TAF4: variants seen among roughly 807,000 people sequenced by gnomAD.
The protein encoded by TAF4 is TATA-box binding protein associated factor 4, also known as transcription initiation factor TFIID subunit 4.
Under a neutral mutation model 90.3 loss-of-function variants are expected in TAF4, and 9 were observed. The observed-to-expected ratio is 0.10, with a 90% CI of 0.06 to 0.17. TAF4 has a LOEUF of 0.17. Among genes scored for constraint, TAF4 ranks in the 10% least tolerant of loss-of-function variants. The pLI is 1.00. For missense variants in TAF4, 1,351 were observed against 1,370.7 expected, an observed-to-expected ratio of 0.99 and a Z score of 0.23; for synonymous variants, 818 against 638.9, an observed-to-expected ratio of 1.28 and a Z score of -4.23.
intron 14 of TAF4, among the ~76,000 whole-genome samples, chr20:61,984,740 G>C (rs1469504269): frequency 1.3e-5 from 2 of 150,222 alleles, no homozygotes; most frequent in Non-Finnish European, 3.0e-5. Context: ...CGGGAACTCT[G>C]TCAGCTGCAG....
intron 1 of TAF4, among the ~76,000 whole-genome samples, chr20:62,024,739 G>A (rs2055865102): frequency 6.6e-6 from 1 of 152,126 alleles, no homozygotes; most frequent in Non-Finnish European, 1.5e-5. Context: ...GCGTGGTGGT[G>A]CACACCTCTA....
At chr20:61,982,751 T>C (rs2055558248) in intron 14 of TAF4, among the ~76,000 whole-genome samples, 1 of 148,300 alleles carries the variant, frequency 6.7e-6, no homozygotes, top group Non-Finnish European at 1.5e-5. Flanking sequence ...GAGGGCCCAG[T>C]GGGCGGCGGG....
intron 1 of TAF4, among the ~76,000 whole-genome samples, chr20:62,060,413 C>T (rs1023086357): frequency 6.6e-6 from 1 of 152,218 alleles, no homozygotes; most frequent in African/African-American, 2.4e-5. Context: ...CACAGGACCC[C>T]GACTCCTGGC....
At position 62,064,985 on chromosome 20, in the gene TAF4, CGG is replaced by C; in HGVS notation, c.824_825del (p.Pro275ArgfsTer186). ...APAAAPPPPPPAPATLARPPG... is the reference protein window; with the variant it reads ...APAAAPPPPPXAPATLARPPG... ...GGCGGCCGGGCCAGAGTGGCGGGCG[CGG>C]GGGGTGGCGGGGGCGGGGCGGCGGC... On this transcript the variant is annotated frameshift_variant, in exon 1 of 15. Transcript: ENST00000252996. LOFTEE classifies it high-confidence loss of function. 1 of 138,490 alleles carries C rather than the reference CGG, an allele frequency of 7.2e-6. No individual in the cohort carries two copies. The highest frequency in any genetic ancestry group is 9.0e-6 in the Non-Finnish European group (1 of 110,936). The allele number at this position is 138,490 out of a possible 1,614,324, so 8.6% of individuals were successfully genotyped here. A position where few individuals can be genotyped will look rare whatever the true frequency, so the allele number is the denominator to read the frequency against.
chr20:62,064,726 G>T lies in TAF4; in HGVS notation c.1085C>A (p.Ala362Glu). 8.2e-7 allele frequency: 1 copy of T among 1,219,022 alleles called. No individual in the cohort carries two copies. The highest frequency in any genetic ancestry group is 1.0e-6 in the Non-Finnish European group (1 of 981,554). 75.5% of individuals were successfully genotyped at this position (1,219,022 alleles called of 1,614,324 possible). A position where few individuals can be genotyped will look rare whatever the true frequency, so the allele number is the denominator to read the frequency against. The change falls in exon 1 of 15, where the codon GCG becomes GAG. Residue 362 changes from alanine (A) to glutamate (E), a missense_variant. By Grantham distance (107) the Ala-to-Glu change is moderately radical. Transcript: ENST00000252996. The part of the protein sequence containing the change: ...QAAPPAAQTL[A>E]ASGPASTAAS... ...CGCCGTGCTGGCCGGGCCGCTGGCCGCCAGGGTCTGCGCCGCCGGGGGCGC... is the reference window on the plus strand; with the variant it reads ...CGCCGTGCTGGCCGGGCCGCTGGCCTCCAGGGTCTGCGCCGCCGGGGGCGC...
At chr20:61,986,057 C>T (rs1174553794) in intron 14 of TAF4, among the ~76,000 whole-genome samples, 2 of 118,094 alleles carry the variant, frequency 1.7e-5, no homozygotes, top group Non-Finnish European at 3.8e-5. Flanking sequence ...TCAAAGGAAA[C>T]ACCATCCCCA....
rs544649187 is a variant in TAF4, at chr20:62,007,303, G to A, written c.1974+244C>T. 1.4e-4 allele frequency among the ~76,000 whole-genome samples: 22 copies of A among 152,286 alleles called. No homozygotes were observed. The South Asian group carries it at 4.4e-3, about 30-fold the overall frequency. On this transcript the variant is annotated intron_variant, in intron 6 of 14. Transcript: ENST00000252996. ...TCCCCTTCACTTTCAGGAAGCACACGCCCTTCTCACCACCTTGCGCACGAC... is the reference window on the plus strand; with the variant it reads ...TCCCCTTCACTTTCAGGAAGCACACACCCTTCTCACCACCTTGCGCACGAC...
At chr20:62,017,827 C>T (rs1295603470) in intron 1 of TAF4, among the ~76,000 whole-genome samples, 4 of 149,968 alleles carry the variant, frequency 2.7e-5, no homozygotes, top group African/African-American at 9.9e-5. Flanking sequence ...GAGCAAGAGT[C>T]CACCTCAAAA....
intron 1 of TAF4, among the ~76,000 whole-genome samples, chr20:62,020,805 C>G (rs951503385): frequency 4.6e-5 from 7 of 152,162 alleles, no homozygotes; most frequent in Admixed American, 2.6e-4. Flanking sequence ...CCCCTGAATA[C>G]AGTATAGAAA....
chr20:62,014,019 G>GGTGTGTGTGTGT (rs56759835), intron 2 of TAF4, among the ~76,000 whole-genome samples: 1 of 126,450 alleles, frequency 7.9e-6, no homozygotes, highest in Non-Finnish European at 1.6e-5. Flanking sequence ...CGGGGGTGTG[G>GGTGTGTGTGTGT]GTGTGTGTGT....
At position 62,064,192 on chromosome 20, in the gene TAF4, A is replaced by G. The variant is rs1600869241; in HGVS notation, c.1360+259T>C. 3 of 392,760 alleles carry G rather than the reference A, an allele frequency of 7.6e-6. No homozygotes were observed. In the East Asian group the frequency reaches 1.1e-4, roughly 15 times the overall value. 24.3% of individuals were successfully genotyped at this position (392,760 alleles called of 1,614,324 possible). Reference sequence around the variant, plus strand: ...TCCTGGCTGAGCCACTCCGAAACAGACCAGCCCCAGGCACAGGCAGCCAGC... The same window carrying G: ...TCCTGGCTGAGCCACTCCGAAACAGGCCAGCCCCAGGCACAGGCAGCCAGC... On this transcript the variant is annotated intron_variant, in intron 1 of 14. Coordinates refer to ENST00000252996, the MANE Select transcript of TAF4 (RefSeq NM_003185.4).
Position 61,974,976 on chromosome 20 carries a change from A to G in TAF4, c.*1192T>C, listed in dbSNP as rs975965730. 6.6e-6 allele frequency: 1 copy of G among 152,484 alleles called. No individual in the cohort carries two copies. 9.4% of individuals were successfully genotyped at this position (152,484 alleles called of 1,614,324 possible). A position where few individuals can be genotyped will look rare whatever the true frequency, so the allele number is the denominator to read the frequency against. The stretch of plus-strand genomic sequence containing the variant: ...TCCTAAAAGACAAAATAAAAGGTGT[A>G]ACAGTTCTCAGGTGTTGATAAAAAA... On this transcript the variant is annotated 3_prime_UTR_variant, in exon 15 of 15. Transcript: ENST00000252996. This position sits in a 1 kb window ranked among gnomAD's most constrained non-coding sequence, Gnocchi z 4.1.
In TAF4 at chr20:61,997,649, T is replaced by C. The variant is rs200257941; in HGVS notation, c.2991A>G (p.Ala997=). The C allele has an allele frequency of 1.9e-5, 30 of 1,611,956 alleles. No homozygotes were observed. Among genetic ancestry groups the C allele is most frequent in the Non-Finnish European group, 2.5e-6 (3 of 1,179,468 alleles). The change falls in exon 14 of 15, where the codon GCA becomes GCG. Residue 997 remains alanine, a synonymous_variant. Coordinates refer to ENST00000252996, the MANE Select transcript of TAF4 (RefSeq NM_003185.4). ...GGTTGGCGTCCCGCTGTCTCATTTG[T>C]GCCAGTTCCTGTTGCTGCATCTTTT... ...KAKEMQQQEL[A]QMRQRDANLT...
chr20:61,975,079 TAC>T lies in TAF4; in HGVS notation c.*1087_*1088del, dbSNP rs1358706659. ...TTCACACGGAGAAAGCCAGAGTATT[TAC>T]AGTCATAAAAGTACTATCAATAGAC... is the stretch of plus-strand genomic sequence containing the variant. On this transcript the variant is annotated 3_prime_UTR_variant, in exon 15 of 15. Coordinates refer to ENST00000252996, the MANE Select transcript of TAF4 (RefSeq NM_003185.4). 1 of 152,404 alleles carries T rather than the reference TAC, an allele frequency of 6.6e-6. No individual in the cohort carries two copies. The highest frequency in any genetic ancestry group is 1.5e-5 in the Non-Finnish European group (1 of 68,042). 9.4% of individuals were successfully genotyped at this position (152,404 alleles called of 1,614,324 possible).
In TAF4 at chr20:62,044,721, C is replaced by A. The variant is rs566478848; in HGVS notation, c.1360+19730G>T. Among the ~76,000 whole-genome samples the A allele has an allele frequency of 1.1e-4, 16 of 152,294 alleles. 1 individual carries two copies. Among genetic ancestry groups the A allele is most frequent in the African/African-American group, 3.8e-4 (16 of 41,566 alleles). On this transcript the variant is annotated intron_variant, in intron 1 of 14. Coordinates refer to ENST00000252996, the MANE Select transcript of TAF4 (RefSeq NM_003185.4). ...CTGTGCAAGAGAAGAGATAAAAATA[C>A]AATTTCACAGAATTTACAGGAGGGG...
intron 1 of TAF4, among the ~76,000 whole-genome samples, chr20:62,020,471 A>G (rs892363627): frequency 2.0e-5 from 3 of 152,224 alleles, no homozygotes; most frequent in African/African-American, 7.2e-5. Context: ...GGTTTTCCTT[A>G]TCTTCTAGAA....
rs111893581 is a variant in TAF4, at chr20:61,987,859, G to A, written c.3090+9691C>T. ...AGGTGAGTGGATAAAATAAACTGTG[G>A]CACAGCCACACACTGGAATAGTGCT... On this transcript the variant is annotated intron_variant, in intron 14 of 14. Transcript: ENST00000252996. 9.3e-3 allele frequency among the ~76,000 whole-genome samples: 1,416 copies of A among 152,298 alleles called. 22 individuals are homozygous for A. The highest frequency in any genetic ancestry group is 0.032 in the African/African-American group (1,344 of 41,550).
intron 9 of TAF4, among the ~76,000 whole-genome samples, chr20:62,001,029 G>A (rs1327245312): frequency 6.6e-6 from 1 of 152,188 alleles, no homozygotes; most frequent in Non-Finnish European, 1.5e-5. Context: ...GACTTGTGGG[G>A]GTCTGATCTA....
chr20:62,035,006 G>A (rs1356713078), intron 1 of TAF4, among the ~76,000 whole-genome samples: 1 of 152,012 alleles, frequency 6.6e-6, no homozygotes, highest in Non-Finnish European at 1.5e-5. Flanking sequence ...ATTTTTAGTA[G>A]AGACGGGGTT....
Sources: gnomAD v4.1 joint callset for allele counts (sites outside exome capture counted in the v4.1 genomes callset) on GRCh38, gnomAD v4.1.1 for gene constraint, Gnocchi (gnomAD v3.1) non-coding constraint, MANE v1.5 for transcripts, NCBI Gene and HGNC (gene_info 2026-07-23, HGNC 2026-07-21) for gene names.